The following DYNC2I1 variants were observed in gnomAD, a reference collection of about 807,000 sequenced individuals.
DYNC2I1 encodes the protein dynein 2 intermediate chain 1, also known as cytoplasmic dynein 2 intermediate chain 1.
A neutral mutation model predicts 133.4 loss-of-function variants in DYNC2I1; 89 were observed. The observed-to-expected ratio is 0.67, with a 90% confidence interval of 0.56 to 0.80. The LOEUF (loss-of-function observed/expected upper bound fraction) is 0.80, where lower values mean the gene tolerates loss of function less well. Ranked by LOEUF, DYNC2I1 falls within the 30% of genes least tolerant of loss-of-function variation. DYNC2I1 has a pLI of 0.00. For synonymous variants in DYNC2I1, 504 were observed against 484.3 expected (o/e 1.04, Z -0.54); for missense variants, 1,291 against 1,314.5 (o/e 0.98, Z 0.28).
chr7:158,912,991 G>A lies in DYNC2I1; in HGVS notation c.1597G>A (p.Val533Ile), dbSNP rs1224007900. ...GCATATTTTTGTTTTTAAGGCATAT[G>A]TTCAGTGTAACGAAGATAATGTTGA... is the stretch of plus-strand genomic sequence containing the variant. The part of the protein sequence containing the change: ...FGKKNTKQAY[V>I]QCNEDNVERD... Residue 533 changes from valine to isoleucine, a missense_variant, in exon 13 of 25, where the codon GTT (valine) becomes ATT (isoleucine). Physicochemically the swap from Val to Ile is conservative, Grantham distance 29. Coordinates refer to ENST00000407559, the MANE Select transcript of DYNC2I1 (RefSeq NM_018051.5). 3.1e-6 allele frequency: 5 copies of A among 1,609,938 alleles called. No individual in the cohort carries two copies. The highest frequency in any genetic ancestry group is 3.3e-4 in the Middle Eastern group (2 of 6,050).
chr7:158,924,780 G>A (rs1293670544), intron 17 of DYNC2I1, among the ~76,000 whole-genome samples: 7 of 150,008 alleles, frequency 4.7e-5, no homozygotes, highest in Non-Finnish European at 8.9e-5. Flanking sequence ...TTTGAGATGT[G>A]GTCTGGCTCT....
In DYNC2I1 at chr7:158,945,845, T is replaced by G. The variant is rs1851837488; in HGVS notation, c.*66T>G. ...ATTTAAAAGACATAAGGTGGATAAT[T>G]CTACATTTGTGTGCAAGTATATTTA... On this transcript the variant is annotated 3_prime_UTR_variant, in exon 25 of 25. Transcript: ENST00000407559. This position sits in a 1 kb window ranked among gnomAD's most constrained non-coding sequence, Gnocchi z 4.1. The G allele has an allele frequency of 7.1e-7, 1 of 1,412,124 alleles. No homozygotes were observed. The highest frequency in any genetic ancestry group is 1.5e-5 in the African/African-American group (1 of 68,904). 87.5% of individuals were successfully genotyped at this position (1,412,124 alleles called of 1,614,324 possible). A position where few individuals can be genotyped will look rare whatever the true frequency, so the allele number is the denominator to read the frequency against.
downstream of DYNC2I1, among the ~76,000 whole-genome samples, chr7:158,947,179 C>T (rs1851912774): frequency 6.6e-6 from 1 of 152,186 alleles, no homozygotes; most frequent in Non-Finnish European, 1.5e-5. Context: ...CTCAGGGTCA[C>T]AGTCACGTGG....
chr7:158,856,530 A>G, upstream of DYNC2I1: 1 of 441,014 alleles, frequency 2.3e-6, no homozygotes. Flanking sequence ...GCCAGGTGCT[A>G]AAAATGCCGG....
At chr7:158,890,722 C>T (rs759306052) in intron 7 of DYNC2I1, among the ~76,000 whole-genome samples, 26 of 151,976 alleles carry the variant, frequency 1.7e-4, no homozygotes, top group Non-Finnish European at 2.6e-4. Context: ...TATAGGCACC[C>T]GCCACCATGC....
Position 158,922,517 on chromosome 7 carries a change from G to A in DYNC2I1, c.2062G>A (p.Gly688Arg), listed in dbSNP as rs566478765. The A allele has an allele frequency of 7.4e-6, 12 of 1,613,932 alleles. No homozygotes were observed. The East Asian group carries it at 2.7e-4, about 36-fold the overall frequency. The change falls in exon 16 of 25, where the codon GGG (glycine) becomes AGG (arginine). Residue 688 changes from glycine (G) to arginine (R), a missense_variant. By Grantham distance (125) the Gly-to-Arg change is moderately radical. Transcript: ENST00000407559. ...LCVWDIWQPS[G>R]PQKVLICESQ... Reference sequence around the variant, plus strand: ...TGTGTGGGATATTTGGCAGCCTTCAGGGCCACAGAAAGTTCTGATATGTGA... The same window carrying A: ...TGTGTGGGATATTTGGCAGCCTTCAAGGCCACAGAAAGTTCTGATATGTGA...
chr7:158,938,348 A>C (rs539654264), intron 23 of DYNC2I1, among the ~76,000 whole-genome samples: 1 of 152,336 alleles, frequency 6.6e-6, no homozygotes, highest in East Asian at 1.9e-4. Flanking sequence ...GAACATTGCC[A>C]TCCAAGAATA....
chr7:158,881,251 C>T (rs1843975756), intron 5 of DYNC2I1, among the ~76,000 whole-genome samples: 1 of 152,144 alleles, frequency 6.6e-6, no homozygotes, highest in Non-Finnish European at 1.5e-5. Flanking sequence ...CACTGTCTTC[C>T]GCAGCCCACG....
chr7:158,843,407 C>T, the DYNC2I1 span, among the ~76,000 whole-genome samples: 1 of 152,160 alleles, frequency 6.6e-6, no homozygotes, highest in African/African-American at 2.4e-5. Context: ...ATTACAGACA[C>T]CCACCACAAC....
chr7:158,881,439 GTTTTTATTTA>G (rs952914571), intron 5 of DYNC2I1, among the ~76,000 whole-genome samples: 56 of 152,056 alleles, frequency 3.7e-4, no homozygotes, highest in African/African-American at 1.2e-3. Context: ...CATTTTTTTT[GTTTTTATTTA>G]TTTTTATTTA....
intron 3 of DYNC2I1, among the ~76,000 whole-genome samples, chr7:158,873,213 T>A (rs532124957): frequency 5.2e-4 from 79 of 152,354 alleles, no homozygotes; most frequent in African/African-American, 1.9e-3. Context: ...TTCTTCAGTA[T>A]TTTTTGGTTA....
At chr7:158,852,476 C>T (rs1374122140), upstream of DYNC2I1, among the ~76,000 whole-genome samples, 7 of 151,678 alleles carry the variant, frequency 4.6e-5, no homozygotes, top group East Asian at 1.2e-3. Flanking sequence ...CATGGTGGCT[C>T]ACGCCTGTAA....
At chr7:158,839,932 C>A in the DYNC2I1 span, among the ~76,000 whole-genome samples, 118 of 152,204 alleles carry the variant, frequency 7.8e-4, no homozygotes, top group South Asian at 8.3e-4. Context: ...CCTCTTGCCT[C>A]ATCCTGAGCA....
intron 24 of DYNC2I1, among the ~76,000 whole-genome samples, chr7:158,943,520 G>A (rs1322294511): frequency 6.6e-6 from 1 of 152,204 alleles, no homozygotes; most frequent in Non-Finnish European, 1.5e-5. Context: ...CCTGTTGTGG[G>A]GACGTTTGGG....
intron 3 of DYNC2I1, among the ~76,000 whole-genome samples, chr7:158,875,593 G>C (rs3850491): frequency 6.6e-6 from 1 of 152,096 alleles, no homozygotes; most frequent in Non-Finnish European, 1.5e-5. Flanking sequence ...GTTTGCCCCC[G>C]GTCTCTCTTG....
chr7:158,907,804 T>G (rs1019268904), intron 11 of DYNC2I1, among the ~76,000 whole-genome samples: 2 of 151,936 alleles, frequency 1.3e-5, no homozygotes, highest in African/African-American at 4.8e-5. Flanking sequence ...GTAGAGGCAG[T>G]GTCTTGCCAT....
rs1184793631 is a variant in DYNC2I1 at position 158,879,600 on chromosome 7, C to G, written c.574-84C>G. ...TTGATCCGTGGTTGGTTGGATCCGT[C>G]GTTGCAGAACCCACAGAGAGGGAGG... On this transcript the variant is annotated intron_variant, in intron 4 of 24. Coordinates refer to ENST00000407559, the MANE Select transcript of DYNC2I1 (RefSeq NM_018051.5). 9 of 1,418,194 alleles carry G rather than the reference C, an allele frequency of 6.3e-6. No homozygotes were observed. The South Asian group carries it at 1.4e-4, about 22-fold the overall frequency. The allele number at this position is 1,418,194 out of a possible 1,614,324, so 87.9% of individuals were successfully genotyped here.
intron 15 of DYNC2I1, among the ~76,000 whole-genome samples, chr7:158,919,561 G>T (rs10274634): frequency 6.6e-6 from 1 of 151,966 alleles, no homozygotes; most frequent in African/African-American, 2.4e-5. Context: ...CCGTGTGGCC[G>T]TCTGCTTGGT....
At chr7:158,886,505 T>C (rs192073872) in intron 6 of DYNC2I1, among the ~76,000 whole-genome samples, 481 of 152,268 alleles carry the variant, frequency 3.2e-3, no homozygotes, top group Middle Eastern at 6.8e-3. Flanking sequence ...CTGGAAGATA[T>C]TTTCTGTCTT....
Sources: gnomAD v4.1 joint callset for allele counts (sites outside exome capture counted in the v4.1 genomes callset) on GRCh38, gnomAD v4.1.1 for gene constraint, Gnocchi (gnomAD v3.1) non-coding constraint, MANE v1.5 for transcripts, NCBI Gene and HGNC (gene_info 2026-07-23, HGNC 2026-07-21) for gene names.